The following ZNF385D variants were observed in gnomAD, a reference collection of about 807,000 sequenced individuals.
ZNF385D encodes the protein zinc finger protein 385D, also known as zinc finger protein 659.
A neutral mutation model predicts 35.8 loss-of-function variants in ZNF385D; 15 were observed. That is an observed-to-expected ratio of 0.42 (90% CI 0.28 to 0.64). The LOEUF is 0.64. ZNF385D is among the 30% of genes least tolerant of loss of function. The pLI is 0.23. For synonymous variants in ZNF385D, 212 were observed against 186.8 expected (o/e 1.13, Z -1.10); for missense variants, 474 against 494.6 (o/e 0.96, Z 0.39).
At chr3:22,004,964 G>C (rs1358433917) in intron 3 of ZNF385D, among the ~76,000 whole-genome samples, 1 of 146,474 alleles carries the variant, frequency 6.8e-6, no homozygotes, top group Non-Finnish European at 1.5e-5. Flanking sequence ...ACAGATGGGT[G>C]TCCTTAGCTT....
intron 2 of ZNF385D, among the ~76,000 whole-genome samples, chr3:22,350,688 T>G (rs924403389): frequency 1.2e-4 from 18 of 152,228 alleles, no homozygotes; most frequent in Admixed American, 2.0e-4. Context: ...ATTTCTTTTT[T>G]TTGTTGTTTT....
chr3:22,235,830 T>G (rs1368528335), intron 2 of ZNF385D, among the ~76,000 whole-genome samples: 1 of 152,110 alleles, frequency 6.6e-6, no homozygotes, highest in Non-Finnish European at 1.5e-5. Context: ...ACTATCTTTT[T>G]GAAGGGTAAT....
chr3:21,837,164 A>G (rs149173410), intron 3 of ZNF385D, among the ~76,000 whole-genome samples: 11 of 152,262 alleles, frequency 7.2e-5, no homozygotes, highest in African/African-American at 2.6e-4. Context: ...ATTTCTCTCT[A>G]CAGGCCTCCC....
chr3:21,784,390 G>C (rs2071605988), intron 3 of ZNF385D, among the ~76,000 whole-genome samples: 1 of 151,980 alleles, frequency 6.6e-6, no homozygotes, highest in African/African-American at 2.4e-5. Flanking sequence ...GAATTTCTAA[G>C]GTTGATGCAC....
At chr3:22,065,664 C>T (rs933124298) in intron 3 of ZNF385D, among the ~76,000 whole-genome samples, 1 of 152,078 alleles carries the variant, frequency 6.6e-6, no homozygotes. Flanking sequence ...GGCAAATACA[C>T]AGGACCATAA....
intron 2 of ZNF385D, among the ~76,000 whole-genome samples, chr3:21,566,940 T>C (rs2063169551): frequency 6.6e-6 from 1 of 152,182 alleles, no homozygotes; most frequent in Non-Finnish European, 1.5e-5. Context: ...ATAAATGTTA[T>C]CATAGAGTAT....
intron 3 of ZNF385D, among the ~76,000 whole-genome samples, chr3:21,950,073 G>A (rs1343581888): frequency 3.3e-5 from 5 of 152,030 alleles, no homozygotes; most frequent in African/African-American, 1.2e-4. Flanking sequence ...TATATACCCA[G>A]TAATGGGATT....
intron 3 of ZNF385D, among the ~76,000 whole-genome samples, chr3:22,056,944 A>C (rs1699432882): frequency 6.6e-6 from 1 of 152,214 alleles, no homozygotes; most frequent in Non-Finnish European, 1.5e-5. Context: ...ATTTTCACCA[A>C]AATTGCATTG....
At chr3:22,106,247 T>C (rs562624882) in intron 3 of ZNF385D, among the ~76,000 whole-genome samples, 2 of 152,282 alleles carry the variant, frequency 1.3e-5, no homozygotes, top group South Asian at 2.1e-4. Flanking sequence ...AATCAGGTTT[T>C]TCCCAGTAAC....
At chr3:21,469,731 CA>C (rs1703763489) in intron 4 of ZNF385D, among the ~76,000 whole-genome samples, 1 of 150,906 alleles carries the variant, frequency 6.6e-6, no homozygotes, top group Admixed American at 6.6e-5. Flanking sequence ...TGTAGTGAAA[CA>C]AATAATTGGG....
At chr3:21,792,656 G>A (rs2071978224) in intron 3 of ZNF385D, among the ~76,000 whole-genome samples, 1 of 152,086 alleles carries the variant, frequency 6.6e-6, no homozygotes, top group African/African-American at 2.4e-5. Flanking sequence ...GGCCATGCAG[G>A]AGACTTGCAC....
intron 3 of ZNF385D, among the ~76,000 whole-genome samples, chr3:22,159,719 T>C (rs1406254871): frequency 2.0e-5 from 3 of 151,636 alleles, no homozygotes; most frequent in Admixed American, 6.6e-5. Flanking sequence ...CACTTTCTTC[T>C]ACATTTTTAT....
At chr3:21,430,274 C>A (rs1394117942) in intron 5 of ZNF385D, among the ~76,000 whole-genome samples, 4 of 151,968 alleles carry the variant, frequency 2.6e-5, no homozygotes, top group African/African-American at 9.7e-5. Context: ...TCTGTTAGTT[C>A]CTTGGTTGAA....
In ZNF385D at chr3:21,964,479, T is replaced by A. The variant is rs1304159403; in HGVS notation, c.325+204338A>T. Among the ~76,000 whole-genome samples the A allele has an allele frequency of 1.4e-4, 3 of 22,038 alleles. No individual in the cohort carries two copies. In the African/African-American group the frequency reaches 2.0e-3, roughly 15 times the overall value. The allele number at this position is 22,038 out of a possible 152,430, so 14.5% of individuals were successfully genotyped here. On this transcript the variant is annotated intron_variant, in intron 3 of 5. Coordinates refer to the ZNF385D transcript ENST00000494108. ...ATGTCCAATTTCTCAGATTTTTTTT[T>A]TTTTTTTTTTTTTTTTTTTTTTTTT...
intron 2 of ZNF385D, among the ~76,000 whole-genome samples, chr3:22,250,394 T>C (rs1269942673): frequency 1.3e-5 from 2 of 152,066 alleles, no homozygotes; most frequent in African/African-American, 2.4e-5. Flanking sequence ...TTTCTGCTTA[T>C]CAACCTCCCT....
chr3:21,859,189 A>G (rs1276639277), intron 3 of ZNF385D, among the ~76,000 whole-genome samples: 4 of 152,068 alleles, frequency 2.6e-5, no homozygotes, highest in Non-Finnish European at 5.9e-5. Context: ...ACCAAAAAAC[A>G]GCTCCTGAGC....
chr3:21,700,955 T>C (rs187649304), intron 1 of ZNF385D, among the ~76,000 whole-genome samples: 16 of 152,312 alleles, frequency 1.1e-4, no homozygotes, highest in Admixed American at 9.1e-4. Context: ...AGGTGTACTC[T>C]AACTTTCTCC....
intron 3 of ZNF385D, among the ~76,000 whole-genome samples, chr3:21,536,123 A>G (rs926689456): frequency 1.3e-5 from 2 of 152,070 alleles, no homozygotes; most frequent in African/African-American, 4.8e-5. Context: ...ACTTATTTGG[A>G]AAAAAAGTAT....
chr3:21,697,430 G>A (rs987227076), intron 1 of ZNF385D, among the ~76,000 whole-genome samples: 2 of 152,118 alleles, frequency 1.3e-5, no homozygotes, highest in African/African-American at 4.8e-5. Context: ...ATTTGCCCAT[G>A]CTGAGCTTTA....
Sources: gnomAD v4.1 joint callset for allele counts (sites outside exome capture counted in the v4.1 genomes callset) on GRCh38, gnomAD v4.1.1 for gene constraint, MANE v1.5 for transcripts, NCBI Gene and HGNC (gene_info 2026-07-23, HGNC 2026-07-21) for gene names.